The following NELL1 variants were observed in gnomAD, a reference collection of about 807,000 sequenced individuals.
NELL1 encodes the protein neural EGFL like 1.
Under a neutral mutation model 107.4 loss-of-function variants are expected in NELL1, and 76 were observed. The observed-to-expected ratio is 0.71, with a 90% CI of 0.59 to 0.86. The LOEUF (loss-of-function observed/expected upper bound fraction) is 0.86, where lower values mean the gene tolerates loss of function less well. NELL1 is among the 40% of genes least tolerant of loss of function. The pLI, the probability that NELL1 is intolerant of heterozygous loss-of-function variation, is 0.00. For missense variants in NELL1, 1,024 were observed against 1,005.5 expected (o/e 1.02, Z -0.25); for synonymous variants, 353 against 341.2 (o/e 1.03, Z -0.38).
chr11:20,750,562 A>AATTATTATT (rs113562957), intron 2 of NELL1, among the ~76,000 whole-genome samples: 15 of 149,698 alleles, frequency 1.0e-4, no homozygotes, highest in African/African-American at 3.7e-4. Flanking sequence ...TGTACCTCGG[A>AATTATTATT]ATTATTATTA....
At position 20,883,840 on chromosome 11, in the gene NELL1, T is replaced by C. The variant is rs140012170; in HGVS notation, c.507-1604T>C. 2.2e-4 allele frequency among the ~76,000 whole-genome samples: 33 copies of C among 152,334 alleles called. No individual in the cohort carries two copies. The East Asian group carries it at 6.4e-3, about 29-fold the overall frequency. On this transcript the variant is annotated intron_variant, in intron 4 of 19. Transcript: ENST00000357134. ...TCTCTTAAGTTGTAAATTTGCCTTG[T>C]GTCTAGTTTTTCCACTAATGTTAGG...
At chr11:20,898,548 T>G (rs1444223513) in intron 5 of NELL1, among the ~76,000 whole-genome samples, 1 of 151,448 alleles carries the variant, frequency 6.6e-6, no homozygotes, top group African/African-American at 2.4e-5. Flanking sequence ...TGTGCACATG[T>G]ACCCTAAAAC....
chr11:21,141,382 T>C (rs1361121860), intron 13 of NELL1, among the ~76,000 whole-genome samples: 1 of 152,212 alleles, frequency 6.6e-6, no homozygotes, highest in Non-Finnish European at 1.5e-5. Context: ...TCTTTGGCAA[T>C]CACATACAAT....
At chr11:20,920,664 A>G (rs757664271) in intron 7 of NELL1, among the ~76,000 whole-genome samples, 2 of 152,106 alleles carry the variant, frequency 1.3e-5, no homozygotes, top group Non-Finnish European at 2.9e-5. Context: ...AAGTTTTGGA[A>G]CAAGAAACAT....
intron 3 of NELL1, among the ~76,000 whole-genome samples, chr11:20,819,216 C>T (rs1857693257): frequency 6.6e-6 from 1 of 152,184 alleles, no homozygotes; most frequent in South Asian, 2.1e-4. Flanking sequence ...GCATGTACAG[C>T]ATTGATTCGA....
At chr11:21,206,980 G>C (rs772964529) in intron 13 of NELL1, among the ~76,000 whole-genome samples, 11 of 152,174 alleles carry the variant, frequency 7.2e-5, no homozygotes, top group Admixed American at 2.0e-4. Context: ...ACACTGTGGG[G>C]ATGCCTACGT....
chr11:20,711,093 C>G (rs866084879), intron 2 of NELL1, among the ~76,000 whole-genome samples: 3 of 151,834 alleles, frequency 2.0e-5, no homozygotes, highest in Non-Finnish European at 4.4e-5. Flanking sequence ...TCTTGTTTCT[C>G]TAGTTCCCTG....
Position 21,001,456 on chromosome 11 carries a change from G to A in NELL1, c.1300+40896G>A, listed in dbSNP as rs567554085. Among the ~76,000 whole-genome samples the A allele has an allele frequency of 2.0e-5, 3 of 151,736 alleles. No individual in the cohort carries two copies. The East Asian group carries it at 5.9e-4, about 30-fold the overall frequency. ...CTGACTCACCACTTGCCAACCTGAA[G>A]AGTGACAGCTGATGGAAGCAGCCCT... On this transcript the variant is annotated intron_variant, in intron 12 of 19. Coordinates refer to ENST00000357134, the MANE Select transcript of NELL1 (RefSeq NM_006157.5).
intron 14 of NELL1, among the ~76,000 whole-genome samples, chr11:21,277,813 A>G (rs1848902283): frequency 6.6e-6 from 1 of 152,130 alleles, no homozygotes; most frequent in Admixed American, 6.5e-5. Flanking sequence ...AAAACCAAAC[A>G]CTGCGTGTTC....
At chr11:21,085,930 T>C (rs1854381217) in intron 12 of NELL1, among the ~76,000 whole-genome samples, 1 of 152,202 alleles carries the variant, frequency 6.6e-6, no homozygotes, top group African/African-American at 2.4e-5. Context: ...AAGAGTGAAC[T>C]TTGAGGAATG....
intron 14 of NELL1, among the ~76,000 whole-genome samples, chr11:21,343,211 A>G (rs1850613617): frequency 6.6e-6 from 1 of 151,752 alleles, no homozygotes; most frequent in Admixed American, 6.6e-5. Context: ...CATGGCATAC[A>G]AGATTCTTCA....
At chr11:21,158,572 C>G (rs575212902) in intron 13 of NELL1, among the ~76,000 whole-genome samples, 2 of 151,980 alleles carry the variant, frequency 1.3e-5, no homozygotes. Context: ...ATATCTTTAC[C>G]CTTTGATTCT....
intron 2 of NELL1, among the ~76,000 whole-genome samples, chr11:20,690,028 G>A (rs1377281867): frequency 6.6e-6 from 1 of 152,120 alleles, no homozygotes; most frequent in East Asian, 1.9e-4. Flanking sequence ...GCATTTCTCT[G>A]ATGGCCAGTG....
At chr11:21,574,686 T>C (rs968792797) in intron 19 of NELL1, among the ~76,000 whole-genome samples, 1 of 151,744 alleles carries the variant, frequency 6.6e-6, no homozygotes, top group East Asian at 2.0e-4. Context: ...ATGTGAAAAG[T>C]TGGAAATCCC....
chr11:21,502,696 G>C (rs1175953331), intron 15 of NELL1, among the ~76,000 whole-genome samples: 1 of 152,142 alleles, frequency 6.6e-6, no homozygotes, highest in East Asian at 1.9e-4. Context: ...CATGTGGCAA[G>C]TAGATGTATC....
intron 14 of NELL1, among the ~76,000 whole-genome samples, chr11:21,327,957 A>C (rs1218047041): frequency 1.3e-5 from 2 of 152,158 alleles, no homozygotes; most frequent in Non-Finnish European, 1.5e-5. Flanking sequence ...GAAAGTGTTC[A>C]AGAGGAAGCA....
intron 2 of NELL1, among the ~76,000 whole-genome samples, chr11:20,747,091 T>C (rs1183200598): frequency 1.3e-5 from 2 of 152,204 alleles, no homozygotes; most frequent in Non-Finnish European, 2.9e-5. Flanking sequence ...ACCTGGCACA[T>C]ATAATAATTT....
intron 13 of NELL1, among the ~76,000 whole-genome samples, chr11:21,178,495 C>G (rs766098764): frequency 6.6e-6 from 1 of 151,640 alleles, no homozygotes; most frequent in Non-Finnish European, 1.5e-5. Context: ...GGGTGGGAAT[C>G]GTAGCTCACA....
chr11:20,973,101 CTTTTTTTTT>C (rs761894107), intron 12 of NELL1, among the ~76,000 whole-genome samples: 1 of 92,496 alleles, frequency 1.1e-5, no homozygotes, highest in South Asian at 3.9e-4. Flanking sequence ...ATCTTCATTA[CTTTTTTTTT>C]TTTTTTTTTT....
Sources: gnomAD v4.1 joint callset for allele counts (sites outside exome capture counted in the v4.1 genomes callset) on GRCh38, gnomAD v4.1.1 for gene constraint, MANE v1.5 for transcripts, NCBI Gene and HGNC (gene_info 2026-07-23, HGNC 2026-07-21) for gene names.